AGRN: variants seen among roughly 807,000 people sequenced by gnomAD.
AGRN encodes agrin proteoglycan.
Under a neutral mutation model 211.0 loss-of-function variants are expected in AGRN, and 106 were observed. The observed-to-expected ratio is 0.50, with a 90% confidence interval of 0.43 to 0.59. AGRN has a LOEUF of 0.59. AGRN is among the 20% of genes least tolerant of loss of function. The probability of loss-of-function intolerance (pLI) is 0.00; values close to 1 mark genes in which losing one functional copy is unlikely to be tolerated. For synonymous variants in AGRN, 1,525 were observed against 1,332.5 expected, an observed-to-expected ratio of 1.14 and a Z score of -3.15; for missense variants, 3,040 against 2,982.6, an observed-to-expected ratio of 1.02 and a Z score of -0.45.
rs780395365 is a variant in AGRN at position 1,047,910 on chromosome 1, A to G, written c.3751+15A>G. On this transcript the variant is annotated intron_variant, in intron 22 of 35. Transcript: ENST00000379370. ...TATGGACTTTGGTGAGCGCCAGGCC[A>G]CGAGCCACAGCTTACCTGCCCCCTC... is the stretch of plus-strand genomic sequence containing the variant. The G allele has an allele frequency of 2.5e-6, 4 of 1,597,540 alleles. No homozygotes were observed. The South Asian group carries it at 4.5e-5, about 18-fold the overall frequency.
Position 1,048,998 on chromosome 1 carries a change from G to A in AGRN, c.4237G>A (p.Gly1413Ser), listed in dbSNP as rs774410209. The A allele has an allele frequency of 3.9e-5, 61 of 1,580,632 alleles. No homozygotes were observed. The highest frequency in any genetic ancestry group is 4.6e-5 in the Non-Finnish European group (54 of 1,165,400). ...LEPQGLLLYN[G>S]NARGKDFLAL... ...GCCTCAGGGGCTGCTGCTGTACAAT[G>A]GCAACGCCCGGGGCAAGGACTTCCT... is the stretch of plus-strand genomic sequence containing the variant. The change falls in exon 24 of 36, where the codon GGC (glycine) becomes AGC (serine). Residue 1413 changes from glycine (G) to serine (S), a missense_variant. By Grantham distance (56) the Gly-to-Ser change is moderately conservative. Transcript: ENST00000379370. This position sits in a 1 kb window ranked among gnomAD's most constrained non-coding sequence, Gnocchi z 5.9.
Position 1,041,532 on chromosome 1 carries a change from G to A in AGRN, c.1007G>A (p.Arg336His). ...DPSRSCRVNP[R>H]TRRPEMLLRP... ...AGCCGCAGCTGCCGTGTGAACCCGC[G>A]CACGCGGCGCCCTGAGATGCTCCTA... The change falls in exon 6 of 36, where the codon CGC (arginine) becomes CAC (histidine). Residue 336 changes from arginine (R) to histidine (H), a missense_variant. Physicochemically the swap from Arg to His is conservative, Grantham distance 29 (BLOSUM62 0). This residue lies in a region of AGRN where 1,498 missense variants were observed against 1,457.8 expected (regional missense o/e 1.03). Transcript: ENST00000379370. 1.2e-6 allele frequency: 2 copies of A among 1,604,688 alleles called. No homozygotes were observed. The highest frequency in any genetic ancestry group is 1.7e-5 in the Admixed American group (1 of 59,892).
chr1:1,045,904 G>T (rs775250252), intron 15 of AGRN, 28 bp downstream of exon 15: 17 of 1,610,356 alleles, frequency 1.1e-5, no homozygotes, highest in Middle Eastern at 1.6e-4. Flanking sequence ...CTACCCTGGG[G>T]CTTCATGGGG....
intron 4 of AGRN, 27 bp downstream of exon 4, chr1:1,040,907 G>A (rs1644913226): frequency 1.4e-6 from 2 of 1,416,664 alleles, no homozygotes; most frequent in Non-Finnish European, 9.1e-7. Context: ...CGGTGCCTGG[G>A]GCGGGGAGGG....
In AGRN at chr1:1,050,725, G is replaced by A. The variant is rs1261427156; in HGVS notation, c.5142-1G>A. 6.2e-7 allele frequency: 1 copy of A among 1,601,316 alleles called. No homozygotes were observed. The highest frequency in any genetic ancestry group is 8.5e-7 in the Non-Finnish European group (1 of 1,176,340). ...CCACTCACGCTGCCCCTCCTCACCA[G>A]GAGCAGGGAGCCAGTCACCCTGGGA... On this transcript the variant is annotated splice_acceptor_variant, in intron 29 of 35. Coordinates refer to ENST00000379370, the MANE Select transcript of AGRN (RefSeq NM_198576.4). LOFTEE classifies it high-confidence loss of function.
intron 12 of AGRN, 28 bp downstream of exon 12, chr1:1,044,467 G>A: frequency 6.3e-7 from 1 of 1,585,472 alleles, no homozygotes; most frequent in Non-Finnish European, 8.6e-7. Flanking sequence ...GGGGTCTCAG[G>A]CACAGGCGGG....
In AGRN at chr1:1,049,629, C is replaced by T. The variant is rs753342639; in HGVS notation, c.4578C>T (p.Asn1526=). The change falls in exon 26 of 36, where the codon AAC becomes AAT. Residue 1526 remains asparagine, a synonymous_variant. Coordinates refer to ENST00000379370, the MANE Select transcript of AGRN (RefSeq NM_198576.4). ...GGTGCATCCGTTTGCTGGACGTCAA[C>T]AACCAGCGCCTGGAGCTTGGCATTG... The part of the protein sequence containing the change: ...LRGCIRLLDV[N]NQRLELGIGP... 1.5e-5 allele frequency: 24 copies of T among 1,589,564 alleles called. No individual in the cohort carries two copies. Among genetic ancestry groups the T allele is most frequent in the Non-Finnish European group, 2.0e-5 (23 of 1,169,150 alleles).
chr1:1,036,812 C>G (rs1407220791), intron 3 of AGRN, among the ~76,000 whole-genome samples: 1 of 152,160 alleles, frequency 6.6e-6, no homozygotes, highest in African/African-American at 2.4e-5. Flanking sequence ...TCTGCGTGGC[C>G]AAGGTGATTG....
rs769740954 is a variant in AGRN, at chr1:1,054,561, T to C, written c.5980+10T>C. 12 of 1,579,716 alleles carry C rather than the reference T, an allele frequency of 7.6e-6. No homozygotes were observed. Among genetic ancestry groups the C allele is most frequent in the Admixed American group, 3.6e-5 (2 of 54,934 alleles). On this transcript the variant is annotated intron_variant, in intron 35 of 35. Transcript: ENST00000379370. ...GGAGCCCTGTGGCTTGGTGAGTGTT[T>C]TGGGGAGACTAGAGAGGGATGCCCA...
rs760391094 is a variant in AGRN, at chr1:1,046,626, C to T, written c.3141C>T (p.Ser1047=). The T allele has an allele frequency of 6.2e-7, 1 of 1,601,968 alleles. No individual in the cohort carries two copies. Among genetic ancestry groups the T allele is most frequent in the East Asian group, 2.2e-5 (1 of 44,844 alleles). The change falls in exon 18 of 36, where the codon TCC becomes TCT. Residue 1047 remains serine (S), a synonymous_variant. Transcript: ENST00000379370. ...PVLTVPPTAP[S]PAPSLVASAF... ...TGACGGTGCCCCCCACGGCACCCTCCCCTGCACCCAGCCTGGTGGCGTCCG... is the reference window on the plus strand; with the variant it reads ...TGACGGTGCCCCCCACGGCACCCTCTCCTGCACCCAGCCTGGTGGCGTCCG...
At position 1,054,508 on chromosome 1, in the gene AGRN, G is replaced by A. The variant is rs147367021; in HGVS notation, c.5937G>A (p.Pro1979=). 78 of 1,603,126 alleles carry A rather than the reference G, an allele frequency of 4.9e-5. No homozygotes were observed. The highest frequency in any genetic ancestry group is 6.1e-5 in the Non-Finnish European group (72 of 1,175,982). Residue 1979 remains proline (P), a synonymous_variant, in exon 35 of 36, where the codon CCG becomes CCA. Transcript: ENST00000379370. ...GNEAPVTGSS[P]LGATQLDTDG... ...AGGCCCCTGTGACCGGCTCCTCCCC[G>A]CTGGGCGCCACGCAGCTGGACACTG...
rs371946683 is a variant in AGRN at position 1,050,558 on chromosome 1, G to A, written c.5108G>A (p.Arg1703His). Residue 1703 changes from arginine (R) to histidine (H), a missense_variant, in exon 29 of 36, where the codon CGC (arginine) becomes CAC (histidine). By Grantham distance (29) the Arg-to-His change is conservative. This residue lies in a region of AGRN where 1,537 missense variants were observed against 1,505.0 expected (regional missense o/e 1.02). Coordinates refer to ENST00000379370, the MANE Select transcript of AGRN (RefSeq NM_198576.4). ...CTGCGGGACCGCCGCCTGGAGTTCC[G>A]CTACGACCTGGGCAAGGGGGCAGCG... ...LALRDRRLEF[R>H]YDLGKGAAVI... 1.3e-5 allele frequency: 21 copies of A among 1,612,200 alleles called. No homozygotes were observed. Among genetic ancestry groups the A allele is most frequent in the South Asian group, 4.4e-5 (4 of 91,054 alleles).
intron 19 of AGRN, 28 bp downstream of exon 19, chr1:1,046,985 G>C: frequency 6.4e-7 from 1 of 1,564,646 alleles, no homozygotes; most frequent in Non-Finnish European, 8.7e-7. Flanking sequence ...CGAGGGGAGT[G>C]TGAGGATAGC....
chr1:1,030,140 A>ATGT (rs1403076015), intron 2 of AGRN, among the ~76,000 whole-genome samples: 1 of 25,484 alleles, frequency 3.9e-5, no homozygotes, highest in African/African-American at 1.3e-4. Flanking sequence ...CTGTGAGATC[A>ATGT]GCATGTGTGT....
intron 33 of AGRN, chr1:1,052,514 C>CGT (rs34235844): frequency 0.49 from 99,837 of 204,698 alleles, 24,823 homozygotes; most frequent in East Asian, 0.73. Context: ...GGTATGTGTC[C>CGT]GTGTGTGTGT....
intron 2 of AGRN, among the ~76,000 whole-genome samples, chr1:1,022,798 T>C (rs1644438017): frequency 6.6e-6 from 1 of 152,258 alleles, no homozygotes; most frequent in South Asian, 2.1e-4. Flanking sequence ...TGTCCCCAGC[T>C]GTTCAAGCCC....
intron 2 of AGRN, among the ~76,000 whole-genome samples, chr1:1,033,414 G>A (rs944551624): frequency 2.6e-5 from 4 of 151,258 alleles, no homozygotes; most frequent in Non-Finnish European, 4.4e-5. Context: ...AGCCCCCTGC[G>A]GCGACTCCGA....
At chr1:1,025,688 G>GC (rs1644506351) in intron 2 of AGRN, among the ~76,000 whole-genome samples, 1 of 152,004 alleles carries the variant, frequency 6.6e-6, no homozygotes, top group Admixed American at 6.6e-5. Context: ...CGAGGCTGCT[G>GC]CCCCAATCTC....
chr1:1,044,384 G>A lies in AGRN; in HGVS notation c.2199G>A (p.Lys733=). Residue 733 remains lysine, a synonymous_variant, in exon 12 of 36, where the codon AAG becomes AAA. Coordinates refer to ENST00000379370, the MANE Select transcript of AGRN (RefSeq NM_198576.4). ...VTYSTECELK[K]ARCESQRGLY... is the part of the protein sequence containing the mutation. ...ACAGCACCGAGTGTGAGCTGAAGAA[G>A]GCCAGGTGTGAGTCACAGCGAGGGC... 6.2e-7 allele frequency: 1 copy of A among 1,612,710 alleles called. No individual in the cohort carries two copies. The highest frequency in any genetic ancestry group is 8.5e-7 in the Non-Finnish European group (1 of 1,179,800).
Sources: gnomAD v4.1 joint callset for allele counts (sites outside exome capture counted in the v4.1 genomes callset) on GRCh38, gnomAD v4.1.1 for gene constraint, gnomAD v4.1.1 regional missense constraint, Gnocchi (gnomAD v3.1) non-coding constraint, MANE v1.5 for transcripts, NCBI Gene and HGNC (gene_info 2026-07-23, HGNC 2026-07-21) for gene names.